The following PPP1R3A variants were observed in gnomAD, a reference collection of about 807,000 sequenced individuals.
PPP1R3A encodes protein phosphatase 1 regulatory subunit 3A, also known as RG1.
A neutral mutation model predicts 41.7 loss-of-function variants in PPP1R3A; 29 were observed. The ratio of observed to expected loss-of-function variants is 0.70; its 90% confidence interval spans 0.52 to 0.95. The LOEUF (loss-of-function observed/expected upper bound fraction) is 0.95. Among genes scored for constraint, PPP1R3A ranks in the 40% least tolerant of loss-of-function variants. The pLI is 0.00. For synonymous variants in PPP1R3A, 485 were observed against 453.4 expected (o/e 1.07, Z -0.89); for missense variants, 1,352 against 1,292.4 (o/e 1.05, Z -0.71).
At chr7:113,912,105 C>T (rs535066764) in intron 1 of PPP1R3A, among the ~76,000 whole-genome samples, 1 of 152,238 alleles carries the variant, frequency 6.6e-6, no homozygotes, top group Admixed American at 6.5e-5. Flanking sequence ...AAAGCCCTTG[C>T]TGTTTCCATT....
intron 1 of PPP1R3A, among the ~76,000 whole-genome samples, chr7:113,917,597 C>A (rs1043710830): frequency 6.6e-6 from 1 of 151,910 alleles, no homozygotes; most frequent in South Asian, 2.1e-4. Flanking sequence ...TAATGTTATT[C>A]TTGGTTATAA....
At chr7:113,906,879 T>C (rs1221837037) in intron 1 of PPP1R3A, among the ~76,000 whole-genome samples, 1 of 151,706 alleles carries the variant, frequency 6.6e-6, no homozygotes, top group Non-Finnish European at 1.5e-5. Context: ...ATTTACCAGA[T>C]GAATGATGTA....
At chr7:113,910,568 T>C (rs1797228079) in intron 1 of PPP1R3A, among the ~76,000 whole-genome samples, 1 of 152,076 alleles carries the variant, frequency 6.6e-6, no homozygotes, top group South Asian at 2.1e-4. Context: ...AAGATTTAAG[T>C]TGTTTTAACA....
intron 1 of PPP1R3A, among the ~76,000 whole-genome samples, chr7:113,901,604 A>G (rs1470266284): frequency 6.6e-6 from 1 of 151,706 alleles, no homozygotes; most frequent in Non-Finnish European, 1.5e-5. Context: ...TGCTTTTTTC[A>G]TTTTCTTTAA....
At chr7:113,893,977 C>A (rs1411342578) in intron 1 of PPP1R3A, among the ~76,000 whole-genome samples, 1 of 151,850 alleles carries the variant, frequency 6.6e-6, no homozygotes, top group African/African-American at 2.4e-5. Context: ...GATAACAGGT[C>A]GAAATTTGCT....
At chr7:113,885,628 A>G (rs1042590065) in intron 1 of PPP1R3A, among the ~76,000 whole-genome samples, 1 of 151,906 alleles carries the variant, frequency 6.6e-6, no homozygotes, top group Non-Finnish European at 1.5e-5. Flanking sequence ...CAAAACTATT[A>G]ATATCACAAA....
At chr7:113,914,155 T>C (rs543216279) in intron 1 of PPP1R3A, among the ~76,000 whole-genome samples, 1 of 152,266 alleles carries the variant, frequency 6.6e-6, no homozygotes, top group South Asian at 2.1e-4. Context: ...CTTTTGATGA[T>C]ATCCTCATGT....
chr7:113,879,383 G>A lies in PPP1R3A; in HGVS notation c.1709C>T (p.Thr570Ile). The change falls in exon 4 of 4, where the codon ACC becomes ATC. Residue 570 changes from threonine to isoleucine, a missense_variant. Transcript: ENST00000284601. ...RDLATLLSEHTAIPTRAITAD... is the reference protein window; with the variant it reads ...RDLATLLSEHIAIPTRAITAD... ...TGTGATTGCCCGGGTGGGGATTGCG[G>A]TATGTTCGCTCAGCAGAGTAGCCAG... is the stretch of plus-strand genomic sequence containing the variant. 6.2e-7 allele frequency: 1 copy of A among 1,613,492 alleles called. No individual in the cohort carries two copies. The highest frequency in any genetic ancestry group is 1.7e-5 in the Admixed American group (1 of 59,872).
At chr7:113,899,738 C>T (rs977776932) in intron 1 of PPP1R3A, among the ~76,000 whole-genome samples, 1 of 151,810 alleles carries the variant, frequency 6.6e-6, no homozygotes, top group Non-Finnish European at 1.5e-5. Flanking sequence ...AATTAACTTA[C>T]AGTCTTTGTA....
Position 113,877,380 on chromosome 7 carries a change from A to G in PPP1R3A, c.*343T>C, listed in dbSNP as rs533114636. On this transcript the variant is annotated 3_prime_UTR_variant, in exon 4 of 4. Transcript: ENST00000284601. ...TACTCTCAAGGGGAAAAAAAAATGAAGCTTTATTGCAAGAGAAATGAATGC... is the reference window on the plus strand; with the variant it reads ...TACTCTCAAGGGGAAAAAAAAATGAGGCTTTATTGCAAGAGAAATGAATGC... 16 of 182,136 alleles carry G rather than the reference A, an allele frequency of 8.8e-5. No homozygotes were observed. Among genetic ancestry groups the G allele is most frequent in the Admixed American group, 4.8e-4 (8 of 16,744 alleles). The allele number at this position is 182,136 out of a possible 1,614,324, so 11.3% of individuals were successfully genotyped here. A position where few individuals can be genotyped will look rare whatever the true frequency, so the allele number is the denominator to read the frequency against.
chr7:113,906,494 T>C (rs1294464294), intron 1 of PPP1R3A, among the ~76,000 whole-genome samples: 1 of 151,690 alleles, frequency 6.6e-6, no homozygotes, highest in Admixed American at 6.6e-5. Flanking sequence ...AAATATAAGA[T>C]ATAAGACGAA....
chr7:113,918,088 AC>A (rs1797369790), intron 1 of PPP1R3A, 126 bp downstream of exon 1: 1 of 898,042 alleles, frequency 1.1e-6, no homozygotes, highest in Non-Finnish European at 1.7e-6. Flanking sequence ...AAAGCCTGGC[AC>A]CATTGTTTTT....
At chr7:113,908,231 A>G (rs991303776) in intron 1 of PPP1R3A, among the ~76,000 whole-genome samples, 2 of 151,968 alleles carry the variant, frequency 1.3e-5, no homozygotes, top group Non-Finnish European at 2.9e-5. Flanking sequence ...TAGAAAATAT[A>G]AAATACTAGC....
chr7:113,905,566 C>A (rs191533137), intron 1 of PPP1R3A, among the ~76,000 whole-genome samples: 1 of 151,904 alleles, frequency 6.6e-6, no homozygotes, highest in East Asian at 1.9e-4. Context: ...TTTTAAAATA[C>A]CTTTTAAGTA....
chr7:113,898,792 G>T (rs1001725155), intron 1 of PPP1R3A, among the ~76,000 whole-genome samples: 10 of 151,778 alleles, frequency 6.6e-5, no homozygotes, highest in African/African-American at 2.4e-4. Flanking sequence ...AGAATTTATT[G>T]TTCGTTCCAG....
intron 1 of PPP1R3A, among the ~76,000 whole-genome samples, chr7:113,888,434 G>A (rs1349281386): frequency 6.6e-6 from 1 of 152,152 alleles, no homozygotes; most frequent in Non-Finnish European, 1.5e-5. Flanking sequence ...TTTAATTTTT[G>A]TTGTAGCATC....
chr7:113,892,327 G>C (rs532713087), intron 1 of PPP1R3A, among the ~76,000 whole-genome samples: 52 of 152,140 alleles, frequency 3.4e-4, no homozygotes, highest in Non-Finnish European at 5.3e-4. Flanking sequence ...CAGAAATGTC[G>C]AACAGGTTTT....
chr7:113,886,137 T>C (rs1349230825), intron 1 of PPP1R3A, among the ~76,000 whole-genome samples: 5 of 151,924 alleles, frequency 3.3e-5, no homozygotes, highest in African/African-American at 1.2e-4. Flanking sequence ...AATTTAATAA[T>C]AAATAGTTAC....
chr7:113,909,621 T>C (rs1211076536), intron 1 of PPP1R3A, among the ~76,000 whole-genome samples: 4 of 152,072 alleles, frequency 2.6e-5, no homozygotes, highest in African/African-American at 9.7e-5. Flanking sequence ...TTCTCTGGCG[T>C]ATGCATTAAA....
Sources: allele counts gnomAD v4.1 joint callset (sites outside exome capture counted in the v4.1 genomes callset), GRCh38; gene constraint gnomAD v4.1.1; transcripts MANE v1.5; gene names NCBI Gene and HGNC (gene_info 2026-07-23, HGNC 2026-07-21).